Variants in CSMD3 observed in about 807,000 individuals in gnomAD.
CSMD3 encodes the protein CUB and Sushi multiple domains 3.
In CSMD3, 177 loss-of-function variants were observed where a neutral mutation model predicts 435.2. The ratio of observed to expected loss-of-function variants is 0.41; its 90% CI spans 0.36 to 0.46. The LOEUF is 0.46. Among genes scored for constraint, CSMD3 ranks in the 20% least tolerant of loss-of-function variants. The pLI is 0.34. For synonymous variants in CSMD3, 1,656 were observed against 1,520.5 expected (o/e 1.09, Z -2.07); for missense variants, 4,265 against 4,504.6 (o/e 0.95, Z 1.52).
chr8:113,059,353 A>G (rs1245244551), intron 5 of CSMD3, among the ~76,000 whole-genome samples: 1 of 152,138 alleles, frequency 6.6e-6, no homozygotes, highest in East Asian at 1.9e-4. Context: ...CTTGGCCTTC[A>G]TTTGGAATGA....
chr8:113,314,852 G>A (rs2093897318), intron 1 of CSMD3, 59 bp from the exon 2 acceptor site: 2 of 1,141,400 alleles, frequency 1.8e-6, no homozygotes, highest in Non-Finnish European at 2.6e-6. Flanking sequence ...CAATCCATGA[G>A]ATAATATTAT....
intron 3 of CSMD3, among the ~76,000 whole-genome samples, chr8:113,277,964 C>T (rs1012303108): frequency 6.6e-6 from 1 of 151,880 alleles, no homozygotes; most frequent in East Asian, 1.9e-4. Context: ...ACGATATTTT[C>T]CTAGTGATAT....
intron 38 of CSMD3, among the ~76,000 whole-genome samples, chr8:112,354,260 G>A (rs139296773): frequency 6.6e-6 from 1 of 152,184 alleles, no homozygotes; most frequent in Admixed American, 6.5e-5. Flanking sequence ...GGCAAAAGCT[G>A]GGATAATTCA....
intron 38 of CSMD3, among the ~76,000 whole-genome samples, chr8:112,355,536 A>G (rs1425455101): frequency 6.6e-6 from 1 of 152,176 alleles, no homozygotes; most frequent in African/African-American, 2.4e-5. Flanking sequence ...CAAATTCCCC[A>G]TTAAAAAGTG....
rs1563820228 is a variant in CSMD3, at chr8:112,346,232, C to A, written c.6326-19G>T. 10 of 1,352,748 alleles carry A rather than the reference C, an allele frequency of 7.4e-6. No individual in the cohort carries two copies. The highest frequency in any genetic ancestry group is 9.6e-6 in the Non-Finnish European group (9 of 941,714). The allele number at this position is 1,352,748 out of a possible 1,614,324, so 83.8% of individuals were successfully genotyped here. A position where few individuals can be genotyped will look rare whatever the true frequency, so the allele number is the denominator to read the frequency against. Reference sequence around the variant, plus strand: ...CACTGAGCTGCAAAATAACAGAAATCCAAAGTAAACCAGAGTAGAGGAATA... The same window carrying A: ...CACTGAGCTGCAAAATAACAGAAATACAAAGTAAACCAGAGTAGAGGAATA... On this transcript the variant is annotated intron_variant, in intron 40 of 70. Transcript: ENST00000297405.
intron 21 of CSMD3, among the ~76,000 whole-genome samples, chr8:112,637,663 T>A (rs1268037110): frequency 1.3e-5 from 2 of 152,114 alleles, no homozygotes; most frequent in East Asian, 3.9e-4. Flanking sequence ...ATAATTTATA[T>A]ACAGTCCTAA....
intron 22 of CSMD3, among the ~76,000 whole-genome samples, chr8:112,616,130 G>C (rs1833643534): frequency 6.6e-6 from 1 of 152,044 alleles, no homozygotes. Context: ...CTTTGGGCAA[G>C]TTACATAATC....
intron 4 of CSMD3, among the ~76,000 whole-genome samples, chr8:113,131,759 G>T (rs186433072): frequency 2.0e-5 from 3 of 152,136 alleles, no homozygotes; most frequent in Non-Finnish European, 4.4e-5. Flanking sequence ...CAACAGCACC[G>T]TGCACCTGGA....
At position 113,378,914 on chromosome 8, in the gene CSMD3, G is replaced by A. The variant is rs144886146; in HGVS notation, c.178+57763C>T. On this transcript the variant is annotated intron_variant, in intron 1 of 70. Transcript: ENST00000297405. ...CTACTTTAAAGAAATTGAAAGAAGT[G>A]CAATGTGCCCCAAAGCACAATGTTA... Among the ~76,000 whole-genome samples, 949 of 152,224 alleles carry A rather than the reference G, an allele frequency of 6.2e-3. 4 individuals are homozygous for A. Among genetic ancestry groups the A allele is most frequent in the Non-Finnish European group, 9.0e-3 (611 of 68,010 alleles).
At chr8:113,056,193 T>C (rs145901683) in intron 5 of CSMD3, among the ~76,000 whole-genome samples, 16 of 152,310 alleles carry the variant, frequency 1.1e-4, no homozygotes, top group Middle Eastern at 6.8e-3. Flanking sequence ...CTTGAGTGCT[T>C]GAACAGAGCA....
At chr8:112,717,792 C>T (rs1335704858) in intron 13 of CSMD3, among the ~76,000 whole-genome samples, 1 of 152,094 alleles carries the variant, frequency 6.6e-6, no homozygotes, top group African/African-American at 2.4e-5. Flanking sequence ...AACCATCATC[C>T]TCAGCAAACT....
intron 10 of CSMD3, among the ~76,000 whole-genome samples, chr8:112,897,208 T>G (rs1343480313): frequency 6.6e-6 from 1 of 151,352 alleles, no homozygotes; most frequent in South Asian, 2.1e-4. Context: ...CACTTACGTA[T>G]GCATGCATGT....
In CSMD3 at chr8:112,704,156, C is replaced by CT. The variant is rs562574285; in HGVS notation, c.1973-14107dup. 3.1e-4 allele frequency among the ~76,000 whole-genome samples: 47 copies of CT among 151,948 alleles called. No homozygotes were observed. The East Asian group carries it at 9.2e-3, about 30-fold the overall frequency. On this transcript the variant is annotated intron_variant, in intron 13 of 70. Coordinates refer to ENST00000297405, the MANE Select transcript of CSMD3 (RefSeq NM_198123.2). The stretch of plus-strand genomic sequence containing the variant: ...TACATATTTAATTCTCTCTCTCTCT[C>CT]TTTTTTAGAAACAGGCTCTCACTAT...
At chr8:112,747,960 C>A (rs2077475191) in intron 13 of CSMD3, among the ~76,000 whole-genome samples, 1 of 77,638 alleles carries the variant, frequency 1.3e-5, no homozygotes, top group Non-Finnish European at 2.3e-5. Context: ...AAGACTCCGT[C>A]TCAAAAAAAA....
At chr8:113,290,942 A>T (rs548115340) in intron 2 of CSMD3, among the ~76,000 whole-genome samples, 3 of 151,482 alleles carry the variant, frequency 2.0e-5, no homozygotes, top group South Asian at 4.1e-4. Context: ...GTATTTTTTT[A>T]AATTACCCAT....
intron 22 of CSMD3, among the ~76,000 whole-genome samples, chr8:112,603,562 C>G (rs1408028843): frequency 1.3e-5 from 2 of 151,964 alleles, no homozygotes; most frequent in African/African-American, 2.4e-5. Flanking sequence ...CAAATTGTGC[C>G]ATGTATGGTC....
At chr8:112,548,909 T>C (rs148553149) in intron 27 of CSMD3, among the ~76,000 whole-genome samples, 182 of 152,208 alleles carry the variant, frequency 1.2e-3, no homozygotes, top group African/African-American at 4.0e-3. Context: ...ATGAAATATA[T>C]TGTTTCTATA....
intron 32 of CSMD3, among the ~76,000 whole-genome samples, chr8:112,434,805 G>T (rs994486565): frequency 2.6e-5 from 4 of 152,028 alleles, no homozygotes; most frequent in African/African-American, 9.7e-5. Context: ...CAAGTAATAA[G>T]CTTTAGTACA....
intron 22 of CSMD3, among the ~76,000 whole-genome samples, chr8:112,631,398 A>AG (rs2074510192): frequency 6.6e-6 from 1 of 151,938 alleles, no homozygotes; most frequent in Non-Finnish European, 1.5e-5. Context: ...AAGTTTGCCC[A>AG]CCCCTGGTCT....
Sources: allele counts gnomAD v4.1 joint callset (sites outside exome capture counted in the v4.1 genomes callset), GRCh38; gene constraint gnomAD v4.1.1; transcripts MANE v1.5; gene names NCBI Gene and HGNC (gene_info 2026-07-23, HGNC 2026-07-21).